SLC2A13: variants seen among roughly 807,000 people sequenced by gnomAD.
The protein encoded by SLC2A13 is proton myo-inositol cotransporter.
SLC2A13 carries 32 observed loss-of-function variants against 64.4 expected under a neutral mutation model. That is an observed-to-expected ratio of 0.50 (90% CI 0.37 to 0.67). SLC2A13 has a LOEUF of 0.67. Ranked by LOEUF, SLC2A13 falls within the 30% of genes least tolerant of loss-of-function variation. The pLI is 0.00. For synonymous variants in SLC2A13, 338 were observed against 327.1 expected (o/e 1.03, Z -0.36); for missense variants, 743 against 829.2 (o/e 0.90, Z 1.28).
chr12:39,856,404 C>G lies in SLC2A13; in HGVS notation c.1319+8358G>C, dbSNP rs149165659. Among the ~76,000 whole-genome samples, 1,160 of 152,296 alleles carry G rather than the reference C, an allele frequency of 7.6e-3. 20 individuals carry two copies. The highest frequency in any genetic ancestry group is 0.026 in the African/African-American group (1,100 of 41,548). On this transcript the variant is annotated intron_variant, in intron 6 of 9. Transcript: ENST00000280871. ...TTATTTTTTGAGACGGAGTCTCACT[C>G]TGTCGCCAGGCTGGTGTGCAGTGGC... is the stretch of plus-strand genomic sequence containing the variant.
At chr12:39,974,339 G>A (rs1028720863) in intron 3 of SLC2A13, among the ~76,000 whole-genome samples, 1 of 152,148 alleles carries the variant, frequency 6.6e-6, no homozygotes, top group Non-Finnish European at 1.5e-5. Flanking sequence ...ACTTACATAT[G>A]AACAGCACAG....
At chr12:40,074,429 A>T (rs982200776) in intron 1 of SLC2A13, among the ~76,000 whole-genome samples, 1 of 152,094 alleles carries the variant, frequency 6.6e-6, no homozygotes, top group Non-Finnish European at 1.5e-5. Flanking sequence ...AGCCTCCCAT[A>T]GCATTGGGAT....
At chr12:40,036,134 A>C (rs779848036) in intron 2 of SLC2A13, among the ~76,000 whole-genome samples, 2 of 152,160 alleles carry the variant, frequency 1.3e-5, no homozygotes, top group African/African-American at 2.4e-5. Context: ...TAATCATCAA[A>C]CAAAATAGGA....
At chr12:39,892,586 G>A (rs1331746996) in intron 4 of SLC2A13, among the ~76,000 whole-genome samples, 3 of 152,000 alleles carry the variant, frequency 2.0e-5, no homozygotes. Context: ...AATAAATTGG[G>A]TGCATTAAAC....
At chr12:39,996,914 T>C (rs1349032677) in intron 3 of SLC2A13, among the ~76,000 whole-genome samples, 1 of 152,200 alleles carries the variant, frequency 6.6e-6, no homozygotes, top group Non-Finnish European at 1.5e-5. Flanking sequence ...ACACATCCCA[T>C]GCTCATGGAT....
chr12:40,038,246 C>T (rs1948022270), intron 2 of SLC2A13, among the ~76,000 whole-genome samples: 1 of 152,048 alleles, frequency 6.6e-6, no homozygotes, highest in Non-Finnish European at 1.5e-5. Context: ...CTCCTTAGAC[C>T]CATGAATTAT....
chr12:39,905,864 T>C (rs1945261340), intron 4 of SLC2A13, among the ~76,000 whole-genome samples: 1 of 151,848 alleles, frequency 6.6e-6, no homozygotes, highest in Admixed American at 6.6e-5. Context: ...CTTATTCTAC[T>C]GTCTCTCACA....
At chr12:40,059,609 C>T (rs1247619057) in intron 1 of SLC2A13, among the ~76,000 whole-genome samples, 10 of 152,116 alleles carry the variant, frequency 6.6e-5, no homozygotes, top group Non-Finnish European at 1.3e-4. Context: ...GGAAGGAGCA[C>T]GGAGCTTCCA....
At chr12:40,083,854 G>A (rs975657206) in intron 1 of SLC2A13, among the ~76,000 whole-genome samples, 2 of 152,078 alleles carry the variant, frequency 1.3e-5, no homozygotes, top group African/African-American at 2.4e-5. Context: ...TCTTCCTGCT[G>A]TTGTTTACTT....
chr12:40,016,670 A>G lies in SLC2A13; in HGVS notation c.925+11631T>C, dbSNP rs547491345. Among the ~76,000 whole-genome samples, 5 of 152,286 alleles carry G rather than the reference A, an allele frequency of 3.3e-5. No homozygotes were observed. In the East Asian group the frequency reaches 9.6e-4, roughly 29 times the overall value. On this transcript the variant is annotated intron_variant, in intron 3 of 9. Transcript: ENST00000280871. ...AAGGGCCTAGTCTGAATTATAATCT[A>G]TTGTCTAGAGTTATAAATAAAAATT...
chr12:39,823,617 G>A (rs369359441), intron 7 of SLC2A13, among the ~76,000 whole-genome samples: 2 of 136,026 alleles, frequency 1.5e-5, no homozygotes, highest in Non-Finnish European at 3.4e-5. Flanking sequence ...GGATGATGAT[G>A]ATATTATTAT....
chr12:40,104,921 T>C (rs1939255107), intron 1 of SLC2A13, among the ~76,000 whole-genome samples: 1 of 152,134 alleles, frequency 6.6e-6, no homozygotes, highest in Non-Finnish European at 1.5e-5. Context: ...CAGGTTAGGC[T>C]GGATCAAGGA....
intron 7 of SLC2A13, among the ~76,000 whole-genome samples, chr12:39,813,214 T>C (rs916424871): frequency 6.6e-6 from 1 of 151,958 alleles, no homozygotes; most frequent in Non-Finnish European, 1.5e-5. Flanking sequence ...TTGCATTCCA[T>C]TTTATCTATT....
intron 4 of SLC2A13, among the ~76,000 whole-genome samples, chr12:39,925,944 G>C (rs1332782759): frequency 6.6e-6 from 1 of 151,900 alleles, no homozygotes; most frequent in Non-Finnish European, 1.5e-5. Context: ...TTTTTAAATA[G>C]CCTTAACCCA....
At chr12:39,905,741 A>T (rs1440663067) in intron 4 of SLC2A13, among the ~76,000 whole-genome samples, 3 of 150,506 alleles carry the variant, frequency 2.0e-5, no homozygotes. Flanking sequence ...AATCATGTAT[A>T]TCTTTTTAAC....
At chr12:40,004,450 C>T (rs945405305) in intron 3 of SLC2A13, among the ~76,000 whole-genome samples, 1 of 152,176 alleles carries the variant, frequency 6.6e-6, no homozygotes, top group African/African-American at 2.4e-5. Flanking sequence ...TCCCAAAGTG[C>T]TGGTGTTACA....
intron 3 of SLC2A13, among the ~76,000 whole-genome samples, chr12:39,997,753 C>T (rs1026502820): frequency 6.6e-6 from 1 of 152,158 alleles, no homozygotes; most frequent in Non-Finnish European, 1.5e-5. Context: ...ATGGCGAGAA[C>T]CTGGGAGGCG....
At chr12:39,955,331 G>C (rs1261302992) in intron 3 of SLC2A13, among the ~76,000 whole-genome samples, 1 of 152,170 alleles carries the variant, frequency 6.6e-6, no homozygotes, top group Non-Finnish European at 1.5e-5. Context: ...GTGGAATGGA[G>C]CTAAAGTGTA....
At chr12:39,784,639 C>G (rs1306788050) in intron 7 of SLC2A13, among the ~76,000 whole-genome samples, 1 of 152,156 alleles carries the variant, frequency 6.6e-6, no homozygotes, top group Admixed American at 6.5e-5. Context: ...AAAATCTAGG[C>G]AATACCATTG....
Sources: gnomAD v4.1 joint callset for allele counts (sites outside exome capture counted in the v4.1 genomes callset) on GRCh38, gnomAD v4.1.1 for gene constraint, MANE v1.5 for transcripts, NCBI Gene and HGNC (gene_info 2026-07-23, HGNC 2026-07-21) for gene names.